Variants in GRB10 observed in about 807,000 individuals in gnomAD.
The protein encoded by GRB10 is growth factor receptor bound protein 10, also known as growth factor receptor-bound protein 10.
In GRB10, 20 loss-of-function variants were observed where a neutral mutation model predicts 80.9. The ratio of observed to expected loss-of-function variants is 0.25; its 90% CI spans 0.17 to 0.36. The LOEUF (loss-of-function observed/expected upper bound fraction) is 0.36. Ranked by LOEUF, GRB10 falls within the 10% of genes least tolerant of loss-of-function variation. GRB10 has a pLI of 1.00. For missense variants in GRB10, 548 were observed against 747.7 expected, an observed-to-expected ratio of 0.73 and a Z score of 3.12; for synonymous variants, 291 against 291.5, an observed-to-expected ratio of 1.00 and a Z score of 0.02.
intron 3 of GRB10, among the ~76,000 whole-genome samples, chr7:50,751,789 C>A (rs1289049310): frequency 6.6e-6 from 1 of 152,066 alleles, no homozygotes. Context: ...ATTTGGTGAC[C>A]AAGAACAAGT....
At chr7:50,721,583 A>G (rs1319089691) in intron 4 of GRB10, among the ~76,000 whole-genome samples, 1 of 152,196 alleles carries the variant, frequency 6.6e-6, no homozygotes, top group Non-Finnish European at 1.5e-5. Context: ...TGCTGGCCCA[A>G]GCCCCGGTCT....
At chr7:50,652,401 C>T (rs191678878) in intron 7 of GRB10, among the ~76,000 whole-genome samples, 4 of 152,304 alleles carry the variant, frequency 2.6e-5, no homozygotes, top group East Asian at 3.9e-4. Flanking sequence ...AGAACAACTT[C>T]GGTTTCTATA....
At chr7:50,733,830 A>C (rs1010677249) in intron 3 of GRB10, among the ~76,000 whole-genome samples, 3 of 152,138 alleles carry the variant, frequency 2.0e-5, no homozygotes, top group Admixed American at 6.5e-5. Context: ...AGGTGTGGTT[A>C]ATGTCTACAG....
intron 4 of GRB10, among the ~76,000 whole-genome samples, chr7:50,704,451 C>G (rs150306324): frequency 2.6e-4 from 40 of 152,298 alleles, no homozygotes; most frequent in Middle Eastern, 3.4e-3. Flanking sequence ...TCTAGAAACA[C>G]ACCTGCATGG....
chr7:50,675,499 C>T (rs555513235), intron 5 of GRB10, among the ~76,000 whole-genome samples: 8 of 152,322 alleles, frequency 5.3e-5, no homozygotes, highest in African/African-American at 1.9e-4. Context: ...AACATTTAAA[C>T]CACAGACTTT....
At chr7:50,671,318 G>T (rs1036978360) in intron 6 of GRB10, among the ~76,000 whole-genome samples, 1 of 152,116 alleles carries the variant, frequency 6.6e-6, no homozygotes. Context: ...CAATTTTTAC[G>T]ATTTCACAAA....
chr7:50,675,225 C>T (rs1226648455), intron 5 of GRB10, among the ~76,000 whole-genome samples: 2 of 152,218 alleles, frequency 1.3e-5, no homozygotes, highest in African/African-American at 4.8e-5. Context: ...GCTTCGGGTG[C>T]CCACCCATCC....
At chr7:50,777,706 A>G (rs1227819561) in intron 2 of GRB10, among the ~76,000 whole-genome samples, 1 of 152,202 alleles carries the variant, frequency 6.6e-6, no homozygotes, top group African/African-American at 2.4e-5. Flanking sequence ...AAAATGTGGT[A>G]CATATACACC....
chr7:50,732,309 C>G lies in GRB10; in HGVS notation c.14G>C (p.Gly5Ala). 6.2e-7 allele frequency: 1 copy of G among 1,614,054 alleles called. No homozygotes were observed. Among genetic ancestry groups the G allele is most frequent in the Non-Finnish European group, 8.5e-7 (1 of 1,179,962 alleles). ...ATGGTGCAAAAAGGAATCTGGGCAGCCGGCTAAAGCCATGGGTTCCTTCTG... is the reference window on the plus strand; with the variant it reads ...ATGGTGCAAAAAGGAATCTGGGCAGGCGGCTAAAGCCATGGGTTCCTTCTG... MALA[G>A]CPDSFLHHPY... Residue 5 changes from glycine (G) to alanine (A), a missense_variant, in exon 4 of 19, where the codon GGC (glycine) becomes GCC (alanine). This residue lies in a region of GRB10 where 245 missense variants were observed against 229.3 expected (regional missense o/e 1.07). Transcript: ENST00000401949.
chr7:50,773,474 AGGGGAAGGCAG>A (rs2077232431), intron 2 of GRB10, among the ~76,000 whole-genome samples: 1 of 10,244 alleles, frequency 9.8e-5, no homozygotes, highest in African/African-American at 2.3e-4. Flanking sequence ...AAGGCAGGGG[AGGGGAAGGCAG>A]GGGAGGGGAG....
chr7:50,728,199 T>G (rs1433484800), intron 4 of GRB10, among the ~76,000 whole-genome samples: 1 of 101,762 alleles, frequency 9.8e-6, no homozygotes, highest in Non-Finnish European at 2.0e-5. Context: ...AATAAAATGT[T>G]CTTTAGCCAA....
chr7:50,781,733 A>G (rs572869337), intron 1 of GRB10, among the ~76,000 whole-genome samples: 104 of 152,324 alleles, frequency 6.8e-4, no homozygotes, highest in African/African-American at 2.4e-3. Context: ...GGAACAGGTG[A>G]TCCGATTGTT....
chr7:50,728,214 T>TGGGG lies in GRB10; in HGVS notation c.51+4054_51+4057dup, dbSNP rs10538509. 5.4e-5 allele frequency among the ~76,000 whole-genome samples: 8 copies of TGGGG among 149,008 alleles called. No individual in the cohort carries two copies. In the East Asian group the frequency reaches 1.6e-3, roughly 30 times the overall value. On this transcript the variant is annotated intron_variant, in intron 4 of 18. Coordinates refer to ENST00000401949, the MANE Select transcript of GRB10 (RefSeq NM_001350814.2). ...AATAAAATGTTCTTTAGCCAAAGTA[T>TGGGG]GGGGGGGGGGTGTAGTACTTAAAAA...
intron 2 of GRB10, among the ~76,000 whole-genome samples, chr7:50,758,679 T>C (rs2153704344): frequency 6.6e-6 from 1 of 152,302 alleles, no homozygotes; most frequent in Admixed American, 6.5e-5. Flanking sequence ...GACAGAATAC[T>C]TTTAGTTAAA....
chr7:50,689,179 T>TC (rs1043870411), intron 5 of GRB10, among the ~76,000 whole-genome samples: 1 of 151,968 alleles, frequency 6.6e-6, no homozygotes, highest in East Asian at 1.9e-4. Flanking sequence ...ATCTAGCTGA[T>TC]CCCCCCCATC....
chr7:50,743,989 A>ATT (rs1464790556), intron 3 of GRB10, among the ~76,000 whole-genome samples: 2 of 151,772 alleles, frequency 1.3e-5, no homozygotes, highest in Admixed American at 1.3e-4. Context: ...GAAAACACCA[A>ATT]TTTTCTAGCC....
chr7:50,673,175 G>A (rs1195183328), intron 6 of GRB10, among the ~76,000 whole-genome samples: 1 of 152,188 alleles, frequency 6.6e-6, no homozygotes, highest in Non-Finnish European at 1.5e-5. Context: ...GGAAGATGGG[G>A]TGCTGAGACA....
chr7:50,726,253 C>A (rs1048576626), intron 4 of GRB10, among the ~76,000 whole-genome samples: 2 of 152,022 alleles, frequency 1.3e-5, no homozygotes, highest in Admixed American at 6.5e-5. Flanking sequence ...CAAAAATTAG[C>A]CAGGTGTGAT....
intron 8 of GRB10, among the ~76,000 whole-genome samples, chr7:50,624,467 C>G (rs1013870839): frequency 6.6e-6 from 1 of 152,196 alleles, no homozygotes; most frequent in Non-Finnish European, 1.5e-5. Context: ...CAAATCATGG[C>G]AGAAATAAGA....
Sources: gnomAD v4.1 joint callset for allele counts (sites outside exome capture counted in the v4.1 genomes callset) on GRCh38, gnomAD v4.1.1 for gene constraint, gnomAD v4.1.1 regional missense constraint, MANE v1.5 for transcripts, NCBI Gene and HGNC (gene_info 2026-07-23, HGNC 2026-07-21) for gene names.